Variants in LRRC9 observed in about 807,000 individuals in gnomAD.
LRRC9 encodes leucine rich repeat containing 9, also known as leucine-rich repeat-containing protein 9.
LRRC9 carries 122 observed loss-of-function variants against 63.2 expected under a neutral mutation model. The observed-to-expected ratio is 1.93, with a 90% CI of 1.67 to 2.24. LRRC9 has a LOEUF of 2.24. Among genes scored for constraint, LRRC9 ranks in the 30% most tolerant of loss-of-function variants. The probability of loss-of-function intolerance (pLI) is 0.00; values close to 1 mark genes in which losing one functional copy is unlikely to be tolerated. For missense variants in LRRC9, 1,071 were observed against 627.7 expected (o/e 1.71, Z -7.55); for synonymous variants, 366 against 213.1 (o/e 1.72, Z -6.25).
chr14:59,954,322 G>A (rs904750641), intron 8 of LRRC9, among the ~76,000 whole-genome samples: 8 of 151,774 alleles, frequency 5.3e-5, no homozygotes, highest in South Asian at 4.2e-4. Context: ...TTTTTTTTGT[G>A]TCCTCTCTTA....
intron 23 of LRRC9, among the ~76,000 whole-genome samples, chr14:60,010,873 C>A (rs1038195757): frequency 6.6e-6 from 1 of 152,118 alleles, no homozygotes; most frequent in Admixed American, 6.5e-5. Context: ...TCAGCCTGGA[C>A]CTTATTGTCT....
intron 15 of LRRC9, 79 bp downstream of exon 15, chr14:59,978,211 T>C (rs1160559430): frequency 6.0e-6 from 4 of 663,454 alleles, no homozygotes; most frequent in African/African-American, 5.3e-5. Context: ...AGTCGAATAA[T>C]GCTATGTCAA....
downstream of LRRC9, among the ~76,000 whole-genome samples, chr14:60,064,561 A>G (rs1198076008): frequency 6.6e-6 from 1 of 152,226 alleles, no homozygotes; most frequent in African/African-American, 2.4e-5. Context: ...GTAATATTTA[A>G]AAGTTCAAAC....
In LRRC9 at chr14:59,938,938, TACATATACATACATATATACAC is replaced by T; in HGVS notation, c.726+374_726+395del. 9.0e-6 allele frequency among the ~76,000 whole-genome samples: 1 copy of T among 111,462 alleles called. No individual in the cohort carries two copies. Among genetic ancestry groups the T allele is most frequent in the East Asian group, 4.3e-4 (1 of 2,302 alleles). The allele number at this position is 111,462 out of a possible 152,430, so 73.1% of individuals were successfully genotyped here. A position where few individuals can be genotyped will look rare whatever the true frequency, so the allele number is the denominator to read the frequency against. Reference sequence around the variant, plus strand: ...ACATATGCATATATATACACATATATACATATACATACATATATACACACATATATACATATATACATATATA... The same window carrying T: ...ACATATGCATATATATACACATATATACATATATACATATATACATATATA... On this transcript the variant is annotated intron_variant, in intron 7 of 31. Coordinates refer to ENST00000445360, the Ensembl canonical transcript of LRRC9. The surrounding 1 kb of genome is among the most constrained non-coding windows in gnomAD (Gnocchi z 4.2).
chr14:60,004,547 T>A lies in LRRC9; in HGVS notation c.2842+749T>A, dbSNP rs1020376994. ...ACATATTTTTCTGAACCAGAGAGAA[T>A]AAAAAAGACTTTTCCTCCCTTTCCC... On this transcript the variant is annotated intron_variant, in intron 21 of 31. Transcript: ENST00000445360. The surrounding 1 kb of genome is among the most constrained non-coding windows in gnomAD (Gnocchi z 4.8). Among the ~76,000 whole-genome samples the A allele has an allele frequency of 6.6e-6, 1 of 151,994 alleles. No homozygotes were observed. The highest frequency in any genetic ancestry group is 1.5e-5 in the Non-Finnish European group (1 of 67,920).
At chr14:59,961,633 CT>C (rs1211219235) in intron 10 of LRRC9, among the ~76,000 whole-genome samples, 1 of 152,022 alleles carries the variant, frequency 6.6e-6, no homozygotes, top group Non-Finnish European at 1.5e-5. Flanking sequence ...AGGTCAAAAG[CT>C]TGTATCAACA....
chr14:59,982,785 C>A (rs1479062872), intron 16 of LRRC9, among the ~76,000 whole-genome samples: 1 of 152,182 alleles, frequency 6.6e-6, no homozygotes. Context: ...ACACTCTGAG[C>A]ACATTAAGAC....
intron 7 of LRRC9, among the ~76,000 whole-genome samples, chr14:59,941,396 CT>C (rs572520168): frequency 2.9e-4 from 44 of 150,108 alleles, no homozygotes; most frequent in Admixed American, 4.7e-4. Context: ...ATGTTTTAAT[CT>C]TTTTTTTTAT....
chr14:60,033,698 A>G (rs1162141852), intron 29 of LRRC9, among the ~76,000 whole-genome samples: 2 of 152,152 alleles, frequency 1.3e-5, no homozygotes, highest in Non-Finnish European at 2.9e-5. Context: ...GGAAATAAGT[A>G]AAATTATCCT....
At chr14:60,020,883 A>C (rs1162157529) in intron 26 of LRRC9, among the ~76,000 whole-genome samples, 1 of 151,900 alleles carries the variant, frequency 6.6e-6, no homozygotes, top group Admixed American at 6.6e-5. Flanking sequence ...ATGTTTATTC[A>C]TCAGTTGATG....
At chr14:60,030,837 A>C (rs1891931332) in intron 28 of LRRC9, among the ~76,000 whole-genome samples, 1 of 152,068 alleles carries the variant, frequency 6.6e-6, no homozygotes, top group African/African-American at 2.4e-5. Flanking sequence ...CTGTAAAAAA[A>C]AATGCTGCAT....
intron 19 of LRRC9, among the ~76,000 whole-genome samples, chr14:60,001,348 T>A (rs1043251156): frequency 4.6e-5 from 7 of 152,040 alleles, no homozygotes; most frequent in Non-Finnish European, 8.8e-5. Flanking sequence ...TCAACCCCAA[T>A]GTTCATTGAC....
downstream of LRRC9, among the ~76,000 whole-genome samples, chr14:60,064,368 CAT>C (rs896051184): frequency 2.8e-4 from 42 of 152,202 alleles, no homozygotes; most frequent in Middle Eastern, 3.4e-3. Flanking sequence ...CAACAGTACA[CAT>C]AGTTTCATAA....
rs1894473324 is a variant in LRRC9, at chr14:60,058,931, T to C, written c.4276+909T>C. On this transcript the variant is annotated intron_variant, in intron 31 of 31. Coordinates refer to ENST00000445360, the Ensembl canonical transcript of LRRC9. This position sits in a 1 kb window ranked among gnomAD's most constrained non-coding sequence, Gnocchi z 4.4. ...TGGCATTATGACTTCCAGGTTTTAATAATAATGAAGATTGTCATGCTTTTG... is the reference window on the plus strand; with the variant it reads ...TGGCATTATGACTTCCAGGTTTTAACAATAATGAAGATTGTCATGCTTTTG... The C allele has an allele frequency of 6.6e-6, 1 of 152,232 alleles. No individual in the cohort carries two copies. The highest frequency in any genetic ancestry group is 1.5e-5 in the Non-Finnish European group (1 of 68,032). The allele number at this position is 152,232 out of a possible 1,614,324, so 9.4% of individuals were successfully genotyped here. A position where few individuals can be genotyped will look rare whatever the true frequency, so the allele number is the denominator to read the frequency against.
chr14:59,952,417 T>C (rs577648762), intron 8 of LRRC9, among the ~76,000 whole-genome samples: 2 of 152,290 alleles, frequency 1.3e-5, no homozygotes, highest in Admixed American at 1.3e-4. Context: ...CCTAGTGAGA[T>C]GAACCGGGTA....
At chr14:60,061,096 T>C (rs1894630731) in intron 31 of LRRC9, among the ~76,000 whole-genome samples, 1 of 152,242 alleles carries the variant, frequency 6.6e-6, no homozygotes, top group African/African-American at 2.4e-5. Context: ...GGTGAAATGC[T>C]GTGAACACTG....
chr14:59,972,482 T>C (rs1321296964), intron 12 of LRRC9, among the ~76,000 whole-genome samples: 1 of 152,080 alleles, frequency 6.6e-6, no homozygotes, highest in Non-Finnish European at 1.5e-5. Flanking sequence ...ATTAGTTTTG[T>C]TTTCCTTAAA....
chr14:59,985,323 A>T, intron 17 of LRRC9, 99 bp downstream of exon 17: 2 of 510,012 alleles, frequency 3.9e-6, no homozygotes, highest in South Asian at 6.5e-5. Flanking sequence ...ATGGGGAGAT[A>T]TTGGTCAAAG....
intron 31 of LRRC9, among the ~76,000 whole-genome samples, chr14:60,062,826 C>G (rs1251903331): frequency 1.3e-5 from 2 of 152,068 alleles, no homozygotes; most frequent in Non-Finnish European, 2.9e-5. Context: ...GCAGATCTAG[C>G]TTAGGCTTGG....
Sources: gnomAD v4.1 joint callset for allele counts (sites outside exome capture counted in the v4.1 genomes callset) on GRCh38, gnomAD v4.1.1 for gene constraint, Gnocchi (gnomAD v3.1) non-coding constraint, MANE v1.5 for transcripts, NCBI Gene and HGNC (gene_info 2026-07-23, HGNC 2026-07-21) for gene names.